MICAL2: variants seen among roughly 807,000 people sequenced by gnomAD.
MICAL2 encodes [F-actin]-monooxygenase MICAL2.
MICAL2 carries 77 observed loss-of-function variants against 127.3 expected under a neutral mutation model. The observed-to-expected ratio is 0.60, with a 90% CI of 0.50 to 0.73. MICAL2 has a LOEUF of 0.73. MICAL2 is among the 30% of genes least tolerant of loss of function. MICAL2 has a pLI of 0.00. For synonymous variants in MICAL2, 570 were observed against 551.1 expected (o/e 1.03, Z -0.48); for missense variants, 1,351 against 1,434.4 (o/e 0.94, Z 0.94).
chr11:12,304,762 TC>T (rs1864090074), intron 29 of MICAL2, among the ~76,000 whole-genome samples: 1 of 152,126 alleles, frequency 6.6e-6, no homozygotes, highest in Admixed American at 6.5e-5. Context: ...CTGTTTTGGG[TC>T]CTTCTCTTCT....
chr11:12,250,321 A>G (rs1861373331), intron 22 of MICAL2: 1 of 152,222 alleles, frequency 6.6e-6, no homozygotes, highest in Admixed American at 6.5e-5. Context: ...ATGTTTGAAT[A>G]CAGGCATGCA....
chr11:12,162,275 C>G lies in MICAL2; in HGVS notation c.120C>G (p.Asp40Glu). The change falls in exon 3 of 28, where the codon GAC becomes GAG. Residue 40 changes from aspartate (D) to glutamate (E), a missense_variant. Physicochemically the swap from Asp to Glu is conservative, Grantham distance 45 (BLOSUM62 2). This residue lies in a region of MICAL2 where 599 missense variants were observed against 714.9 expected (regional missense o/e 0.84). Transcript: ENST00000683283. ...QAFNILTRHL[D>E]LDPLDHRNFY... ...TCAACATTCTCACACGACACCTGGA[C>G]CTAGACCCTCTGGACCACAGAAACT... The G allele has an allele frequency of 6.2e-7, 1 of 1,614,238 alleles. No homozygotes were observed. The highest frequency in any genetic ancestry group is 8.5e-7 in the Non-Finnish European group (1 of 1,180,050).
At chr11:12,129,118 A>G (rs1851192701) in intron 1 of MICAL2, among the ~76,000 whole-genome samples, 1 of 147,990 alleles carries the variant, frequency 6.8e-6, no homozygotes. Flanking sequence ...TTACAAGACC[A>G]TGAATAGAAT....
At chr11:12,304,164 G>A (rs1368805557) in intron 29 of MICAL2, among the ~76,000 whole-genome samples, 1 of 151,958 alleles carries the variant, frequency 6.6e-6, no homozygotes, top group Non-Finnish European at 1.5e-5. Flanking sequence ...TTACATGCAT[G>A]GCTTGTATTA....
intron 3 of MICAL2, among the ~76,000 whole-genome samples, chr11:12,193,090 C>T (rs1036148244): frequency 5.9e-5 from 9 of 152,206 alleles, no homozygotes; most frequent in African/African-American, 1.9e-4. Context: ...CAGTGATGTT[C>T]ATTCAAGGGC....
intron 34 of MICAL2, among the ~76,000 whole-genome samples, chr11:12,357,420 G>A (rs989711817): frequency 1.3e-5 from 2 of 152,166 alleles, no homozygotes; most frequent in Non-Finnish European, 2.9e-5. Flanking sequence ...AGAAGGTCAG[G>A]TACTCGAGAA....
At chr11:12,220,987 A>G (rs953825991) in intron 9 of MICAL2, among the ~76,000 whole-genome samples, 9 of 152,244 alleles carry the variant, frequency 5.9e-5, no homozygotes, top group African/African-American at 1.9e-4. Context: ...TAGTGTGAGC[A>G]CTGATTATGT....
chr11:12,188,284 T>G (rs1473158754), intron 3 of MICAL2, among the ~76,000 whole-genome samples: 1 of 152,270 alleles, frequency 6.6e-6, no homozygotes, highest in Non-Finnish European at 1.5e-5. Flanking sequence ...TCCTATTTCT[T>G]GTCACTTTTT....
downstream of MICAL2, among the ~76,000 whole-genome samples, chr11:12,361,469 T>C (rs1939203348): frequency 6.6e-6 from 1 of 152,200 alleles, no homozygotes; most frequent in African/African-American, 2.4e-5. Flanking sequence ...CCTATTCTAC[T>C]CACGTTTATC....
chr11:12,169,185 A>T lies in MICAL2; in HGVS notation c.264+6766A>T, dbSNP rs1373763019. On this transcript the variant is annotated intron_variant, in intron 3 of 27. Coordinates refer to ENST00000683283, the MANE Select transcript of MICAL2 (RefSeq NM_001282663.2). Reference sequence around the variant, plus strand: ...GTTTGTGGATGTGTGTTATGGATGCATGCACTGCCCCCTTTATTTTCTTAA... The same window carrying T: ...GTTTGTGGATGTGTGTTATGGATGCTTGCACTGCCCCCTTTATTTTCTTAA... 2.6e-5 allele frequency among the ~76,000 whole-genome samples: 4 copies of T among 151,602 alleles called. No homozygotes were observed. The East Asian group carries it at 7.8e-4, about 30-fold the overall frequency.
At chr11:12,239,828 A>G (rs1338590136) in intron 17 of MICAL2, among the ~76,000 whole-genome samples, 1 of 152,270 alleles carries the variant, frequency 6.6e-6, no homozygotes, top group Non-Finnish European at 1.5e-5. Flanking sequence ...GCAGTAGACA[A>G]TACCTAAACA....
At chr11:12,239,844 G>T (rs994911068) in intron 17 of MICAL2, among the ~76,000 whole-genome samples, 1 of 152,242 alleles carries the variant, frequency 6.6e-6, no homozygotes, top group African/African-American at 2.4e-5. Flanking sequence ...AAACAAATGA[G>T]TCTGGCTGTG....
intron 4 of MICAL2, among the ~76,000 whole-genome samples, chr11:12,207,443 A>G (rs188328881): frequency 3.3e-4 from 50 of 152,354 alleles, no homozygotes; most frequent in Non-Finnish European, 6.3e-4. Context: ...AGGAGACAAA[A>G]CAGAAATGAG....
chr11:12,337,858 A>G (rs1419511065), intron 32 of MICAL2, among the ~76,000 whole-genome samples: 1 of 152,128 alleles, frequency 6.6e-6, no homozygotes, highest in Non-Finnish European at 1.5e-5. Flanking sequence ...TTTGCTGAGG[A>G]GAGCTTTACT....
At chr11:12,261,056 G>A in intron 26 of MICAL2, 1 of 985,574 alleles carries the variant, frequency 1.0e-6, no homozygotes. Flanking sequence ...TGCAGGCTGA[G>A]CCAAGGCTGT....
At chr11:12,205,197 C>T (rs1178370443) in intron 4 of MICAL2, among the ~76,000 whole-genome samples, 3 of 152,206 alleles carry the variant, frequency 2.0e-5, no homozygotes. Flanking sequence ...TGAGGCCCTT[C>T]TGCTCTGATG....
intron 30 of MICAL2, among the ~76,000 whole-genome samples, chr11:12,322,423 A>G (rs1009367553): frequency 2.6e-5 from 4 of 152,190 alleles, no homozygotes; most frequent in African/African-American, 7.2e-5. Context: ...TCATGGAAAC[A>G]GAGATGACAT....
chr11:12,319,714 T>A, exon 30 of MICAL2: 1 of 1,613,900 alleles, frequency 6.2e-7, no homozygotes. Flanking sequence ...AACTTTCCCC[T>A]CAGAGCACAG....
At chr11:12,149,190 G>A (rs1003540285) in intron 2 of MICAL2, among the ~76,000 whole-genome samples, 24 of 152,168 alleles carry the variant, frequency 1.6e-4, no homozygotes, top group African/African-American at 4.6e-4. Flanking sequence ...GAAGTGTGTC[G>A]GAGTGGAGTT....
Sources: allele counts gnomAD v4.1 joint callset (sites outside exome capture counted in the v4.1 genomes callset), GRCh38; gene constraint gnomAD v4.1.1; regional missense constraint gnomAD v4.1.1; transcripts MANE v1.5; gene names NCBI Gene and HGNC (gene_info 2026-07-23, HGNC 2026-07-21).